The following DTNA variants were observed in gnomAD, a reference collection of about 807,000 sequenced individuals.
The protein encoded by DTNA is dystrobrevin alpha.
In DTNA, 43 loss-of-function variants were observed where a neutral mutation model predicts 100.7. The observed-to-expected ratio is 0.43, with a 90% CI of 0.33 to 0.55. DTNA has a LOEUF of 0.55. DTNA is among the 20% of genes least tolerant of loss of function. DTNA has a pLI of 0.04. For synonymous variants in DTNA, 349 were observed against 347.9 expected, an observed-to-expected ratio of 1.00 and a Z score of -0.04; for missense variants, 798 against 953.9, an observed-to-expected ratio of 0.84 and a Z score of 2.15.
At chr18:34,565,239 T>G (rs2046984924) in intron 1 of DTNA, among the ~76,000 whole-genome samples, 1 of 152,218 alleles carries the variant, frequency 6.6e-6, no homozygotes, top group African/African-American at 2.4e-5. Flanking sequence ...AAATCCCTAT[T>G]TCATTCTTTC....
chr18:34,629,377 T>C (rs2057769947), intron 1 of DTNA, among the ~76,000 whole-genome samples: 1 of 152,194 alleles, frequency 6.6e-6, no homozygotes, highest in South Asian at 2.1e-4. Flanking sequence ...CCAGTAAGTG[T>C]GGTTGAGACT....
intron 1 of DTNA, among the ~76,000 whole-genome samples, chr18:34,541,481 G>A (rs2044240947): frequency 6.6e-6 from 1 of 151,998 alleles, no homozygotes; most frequent in Admixed American, 6.6e-5. Context: ...GTCTCATGAG[G>A]TGTGATGGTT....
In DTNA at chr18:34,573,656, A is replaced by G. The variant is rs569511692; in HGVS notation, c.-2+80142A>G. ...TATGTATATATTGTGGAATGGCTCA[A>G]TCGAGGTAATTAACCTATGCATTAC... is the stretch of plus-strand genomic sequence containing the variant. On this transcript the variant is annotated intron_variant, in intron 1 of 19. Transcript: ENST00000283365. Among the ~76,000 whole-genome samples, 26 of 152,352 alleles carry G rather than the reference A, an allele frequency of 1.7e-4. No homozygotes were observed. The Middle Eastern group carries it at 0.01, about 60-fold the overall frequency.
intron 1 of DTNA, among the ~76,000 whole-genome samples, chr18:34,664,342 T>C (rs2075611733): frequency 6.6e-6 from 1 of 152,152 alleles, no homozygotes. Context: ...TTTATTTATG[T>C]CACATGTAAT....
intron 1 of DTNA, among the ~76,000 whole-genome samples, chr18:34,658,724 A>G (rs1213117034): frequency 6.6e-6 from 1 of 152,188 alleles, no homozygotes; most frequent in African/African-American, 2.4e-5. Flanking sequence ...ACCACCACCA[A>G]AGCAGTGTTA....
At chr18:34,588,215 C>T (rs942166310) in intron 1 of DTNA, among the ~76,000 whole-genome samples, 3 of 152,108 alleles carry the variant, frequency 2.0e-5, no homozygotes, top group African/African-American at 4.8e-5. Context: ...TTGGTACTAC[C>T]ATATCTTGAA....
intron 1 of DTNA, among the ~76,000 whole-genome samples, chr18:34,725,474 G>A (rs2086433741): frequency 6.6e-6 from 1 of 151,330 alleles, no homozygotes; most frequent in Non-Finnish European, 1.5e-5. Flanking sequence ...AGACATTTAT[G>A]CAGCCAGCAA....
intron 7 of DTNA, among the ~76,000 whole-genome samples, chr18:34,817,273 A>G (rs1430651939): frequency 6.6e-6 from 1 of 152,146 alleles, no homozygotes; most frequent in East Asian, 1.9e-4. Context: ...TTTGCTTTTT[A>G]TCTTCATTTA....
At chr18:34,614,740 C>T (rs866531305) in intron 1 of DTNA, among the ~76,000 whole-genome samples, 8 of 152,342 alleles carry the variant, frequency 5.3e-5, no homozygotes, top group Middle Eastern at 3.4e-3. Flanking sequence ...CTGGTTCTTA[C>T]AGATGAGCAA....
intron 1 of DTNA, among the ~76,000 whole-genome samples, chr18:34,586,894 G>T (rs967103812): frequency 2.0e-5 from 3 of 152,032 alleles, no homozygotes; most frequent in Non-Finnish European, 4.4e-5. Flanking sequence ...GCTCCAATTC[G>T]AGTTGACTTT....
intron 1 of DTNA, among the ~76,000 whole-genome samples, chr18:34,724,764 G>A (rs943080025): frequency 6.6e-6 from 1 of 152,126 alleles, no homozygotes; most frequent in African/African-American, 2.4e-5. Context: ...TTCAGCATAA[G>A]ATTTGGAGGG....
At chr18:34,671,026 T>C (rs2076677915) in intron 1 of DTNA, among the ~76,000 whole-genome samples, 1 of 151,944 alleles carries the variant, frequency 6.6e-6, no homozygotes, top group African/African-American at 2.4e-5. Context: ...AGAGGTGGAG[T>C]CTACAGAGGC....
At chr18:34,816,095 C>A in intron 7 of DTNA, 81 bp downstream of exon 7, 1 of 1,424,474 alleles carries the variant, frequency 7.0e-7, no homozygotes, top group Non-Finnish European at 9.9e-7. Context: ...TAAGCCCAGG[C>A]TGTTGTTTTA....
intron 1 of DTNA, among the ~76,000 whole-genome samples, chr18:34,564,054 C>T (rs921672036): frequency 6.6e-6 from 1 of 152,126 alleles, no homozygotes; most frequent in African/African-American, 2.4e-5. Context: ...ACTACAGTCA[C>T]TATGCTGTAC....
chr18:34,754,800 GAA>G (rs2148191959), intron 1 of DTNA, among the ~76,000 whole-genome samples: 1 of 152,270 alleles, frequency 6.6e-6, no homozygotes, highest in African/African-American at 2.4e-5. Context: ...GCTCAGAATT[GAA>G]AGGCATTGTG....
chr18:34,581,118 G>A (rs747998088), intron 1 of DTNA, among the ~76,000 whole-genome samples: 15 of 152,104 alleles, frequency 9.9e-5, no homozygotes, highest in East Asian at 1.9e-4. Flanking sequence ...GTGTGGTGGC[G>A]TGCGCCTGTA....
intron 1 of DTNA, among the ~76,000 whole-genome samples, chr18:34,569,886 T>TAC (rs143877334): frequency 0.024 from 3,505 of 147,290 alleles, 89 homozygotes; most frequent in African/African-American, 0.07. Flanking sequence ...CATACACACA[T>TAC]ACACACACAC....
chr18:34,877,122 G>A (rs1218565827), intron 18 of DTNA, among the ~76,000 whole-genome samples: 1 of 152,160 alleles, frequency 6.6e-6, no homozygotes, highest in East Asian at 1.9e-4. Flanking sequence ...CTTGGCAGAA[G>A]AAACAAGAAT....
chr18:34,799,276 C>A (rs528554648), intron 4 of DTNA, among the ~76,000 whole-genome samples: 1 of 152,220 alleles, frequency 6.6e-6, no homozygotes, highest in Admixed American at 6.5e-5. Flanking sequence ...ACACCCATGC[C>A]CACTGCTGAG....
Sources: gnomAD v4.1 joint callset for allele counts (sites outside exome capture counted in the v4.1 genomes callset) on GRCh38, gnomAD v4.1.1 for gene constraint, MANE v1.5 for transcripts, NCBI Gene and HGNC (gene_info 2026-07-23, HGNC 2026-07-21) for gene names.